The following GPR158 variants were observed in gnomAD, a reference collection of about 807,000 sequenced individuals.
GPR158 encodes G protein-coupled receptor 158.
In GPR158, 30 loss-of-function variants were observed where a neutral mutation model predicts 78.2. That is an observed-to-expected ratio of 0.38 (90% CI 0.29 to 0.52). The LOEUF (loss-of-function observed/expected upper bound fraction) is 0.52, where lower values mean the gene tolerates loss of function less well. GPR158 is among the 20% of genes least tolerant of loss of function. The pLI, the probability that GPR158 is intolerant of heterozygous loss-of-function variation, is 0.83. For synonymous variants in GPR158, 581 were observed against 591.1 expected, an observed-to-expected ratio of 0.98 and a Z score of 0.25; for missense variants, 1,463 against 1,523.5, an observed-to-expected ratio of 0.96 and a Z score of 0.66.
intron 6 of GPR158, 135 bp from the exon 7 acceptor site, chr10:25,572,514 C>CAAAT: frequency 1.4e-6 from 1 of 709,906 alleles, no homozygotes; most frequent in African/African-American, 1.8e-5. Flanking sequence ...ACAACAAAAA[C>CAAAT]AAATACAAAA....
chr10:25,581,725 G>A (rs145471462), intron 7 of GPR158, among the ~76,000 whole-genome samples: 1 of 152,282 alleles, frequency 6.6e-6, no homozygotes, highest in East Asian at 1.9e-4. Context: ...CAGATCACTA[G>A]TCAAAGCTAC....
intron 2 of GPR158, among the ~76,000 whole-genome samples, chr10:25,310,994 T>G (rs183103551): frequency 6.6e-6 from 1 of 152,172 alleles, no homozygotes; most frequent in African/African-American, 2.4e-5. Flanking sequence ...ATCTGAGAGC[T>G]CGCCTTTATC....
intron 9 of GPR158, among the ~76,000 whole-genome samples, chr10:25,596,394 G>A (rs1588929146): frequency 6.6e-6 from 1 of 152,056 alleles, no homozygotes; most frequent in South Asian, 2.1e-4. Flanking sequence ...GGGAGTTTGA[G>A]GCTGCTGCGT....
intron 5 of GPR158, among the ~76,000 whole-genome samples, chr10:25,530,458 A>G (rs1836408552): frequency 6.6e-6 from 1 of 152,196 alleles, no homozygotes; most frequent in African/African-American, 2.4e-5. Flanking sequence ...GGACACTGGA[A>G]AGGCAGGAGG....
intron 4 of GPR158, among the ~76,000 whole-genome samples, chr10:25,460,740 T>C (rs957243778): frequency 1.4e-4 from 22 of 152,182 alleles, no homozygotes; most frequent in African/African-American, 5.3e-4. Context: ...ATACCTTGTT[T>C]TATTGTGCTT....
chr10:25,597,313 T>G (rs969267081), intron 10 of GPR158, among the ~76,000 whole-genome samples: 1 of 152,218 alleles, frequency 6.6e-6, no homozygotes, highest in African/African-American at 2.4e-5. Context: ...CCAATACTAC[T>G]CAGGGATATG....
chr10:25,370,355 C>G (rs1833969093), intron 2 of GPR158, among the ~76,000 whole-genome samples: 1 of 140,602 alleles, frequency 7.1e-6, no homozygotes, highest in African/African-American at 2.8e-5. Context: ...CCCAGAGATC[C>G]TGGTATGTTG....
rs565164629 is a variant in GPR158 at position 25,490,382 on chromosome 10, G to A, written c.1404+23663G>A. 1.9e-4 allele frequency among the ~76,000 whole-genome samples: 28 copies of A among 144,366 alleles called. No homozygotes were observed. The South Asian group carries it at 3.5e-3, about 18-fold the overall frequency. The allele number at this position is 144,366 out of a possible 152,430, so 94.7% of individuals were successfully genotyped here. ...ATGTATACATGTGCCATGCTGGTGC[G>A]CTGCACCCACTAACTCGTCATCTAG... is the stretch of plus-strand genomic sequence containing the variant. On this transcript the variant is annotated intron_variant, in intron 5 of 10. Coordinates refer to ENST00000376351, the MANE Select transcript of GPR158 (RefSeq NM_020752.3).
chr10:25,405,619 G>A (rs1172492117), intron 3 of GPR158, among the ~76,000 whole-genome samples: 1 of 142,426 alleles, frequency 7.0e-6, no homozygotes, highest in Non-Finnish European at 1.5e-5. Context: ...AGTTTGATTA[G>A]CCCAGATCTT....
intron 7 of GPR158, among the ~76,000 whole-genome samples, chr10:25,578,488 G>T (rs2130737622): frequency 1.3e-5 from 2 of 152,258 alleles, no homozygotes; most frequent in South Asian, 2.1e-4. Flanking sequence ...TTGGGGGAAG[G>T]TATTTTGGAG....
chr10:25,515,758 C>A (rs1340682643), intron 5 of GPR158, among the ~76,000 whole-genome samples: 1 of 146,768 alleles, frequency 6.8e-6, no homozygotes, highest in Non-Finnish European at 1.5e-5. Flanking sequence ...TTTTCTTAAT[C>A]CAGTCTATCA....
chr10:25,307,067 A>C (rs1439254684), intron 2 of GPR158, among the ~76,000 whole-genome samples: 1 of 151,906 alleles, frequency 6.6e-6, no homozygotes, highest in Non-Finnish European at 1.5e-5. Flanking sequence ...GAAAGAGAAT[A>C]AGTAAGAACA....
In GPR158 at chr10:25,550,983, T is replaced by A; in HGVS notation, c.1412T>A (p.Ile471Asn). The change falls in exon 6 of 11, where the codon ATT (isoleucine) becomes AAT (asparagine). Residue 471 changes from isoleucine to asparagine, a missense_variant. Transcript: ENST00000376351. Reference sequence around the variant, plus strand: ...TCTGTTTTCATCCCACAGGTTGTTATTTTGTACTTTGAGCCAAGCACATTT... The same window carrying A: ...TCTGTTTTCATCCCACAGGTTGTTAATTTGTACTTTGAGCCAAGCACATTT... Reference protein sequence around the residue: ...GSLLLYFPVVILYFEPSTFRC... With the variant: ...GSLLLYFPVVNLYFEPSTFRC... The A allele has an allele frequency of 1.3e-6, 2 of 1,577,642 alleles. No homozygotes were observed. The highest frequency in any genetic ancestry group is 4.5e-5 in the East Asian group (2 of 44,700).
chr10:25,449,379 T>G (rs1835183909), intron 4 of GPR158, among the ~76,000 whole-genome samples: 1 of 152,238 alleles, frequency 6.6e-6, no homozygotes, highest in Non-Finnish European at 1.5e-5. Context: ...GCCTCACTAC[T>G]AAGTAAGACT....
chr10:25,531,891 A>G (rs2130694227), intron 5 of GPR158, among the ~76,000 whole-genome samples: 1 of 152,278 alleles, frequency 6.6e-6, no homozygotes, highest in South Asian at 2.1e-4. Flanking sequence ...AGGAAGTGGC[A>G]GAGCAGTCCC....
chr10:25,187,554 C>T (rs1449735316), intron 1 of GPR158, among the ~76,000 whole-genome samples: 1 of 152,140 alleles, frequency 6.6e-6, no homozygotes, highest in Admixed American at 6.5e-5. Flanking sequence ...TCAATAGATG[C>T]AGAAAAGGCC....
rs773786303 is a variant in GPR158 at position 25,551,030 on chromosome 10, G to A, written c.1459G>A (p.Ala487Thr). ...ATTTCGCTGTATTCTCCTAAGATGGGCTCGTCTTCTCGGTTTTGCTACTGT... is the reference window on the plus strand; with the variant it reads ...ATTTCGCTGTATTCTCCTAAGATGGACTCGTCTTCTCGGTTTTGCTACTGT... Reference protein sequence around the residue: ...STFRCILLRWARLLGFATVYG... With the variant: ...STFRCILLRWTRLLGFATVYG... The change falls in exon 6 of 11, where the codon GCT becomes ACT. Residue 487 changes from alanine to threonine, a missense_variant. Transcript: ENST00000376351. 8 of 1,611,204 alleles carry A rather than the reference G, an allele frequency of 5.0e-6. No homozygotes were observed. The highest frequency in any genetic ancestry group is 4.4e-5 in the South Asian group (4 of 91,026).
chr10:25,396,317 G>T (rs146097121), intron 3 of GPR158, among the ~76,000 whole-genome samples: 2 of 152,280 alleles, frequency 1.3e-5, no homozygotes, highest in African/African-American at 2.4e-5. Context: ...GCTACAGAAA[G>T]TTCCTAAAAC....
At chr10:25,239,708 C>T (rs904215494) in intron 2 of GPR158, among the ~76,000 whole-genome samples, 1 of 152,014 alleles carries the variant, frequency 6.6e-6, no homozygotes, top group African/African-American at 2.4e-5. Flanking sequence ...AATTTAAAGC[C>T]CCTTTCTTTG....
Sources: gnomAD v4.1 joint callset for allele counts (sites outside exome capture counted in the v4.1 genomes callset) on GRCh38, gnomAD v4.1.1 for gene constraint, MANE v1.5 for transcripts, NCBI Gene and HGNC (gene_info 2026-07-23, HGNC 2026-07-21) for gene names.